Variants in DAOA observed in about 807,000 individuals in gnomAD.
The protein encoded by DAOA is D-amino acid oxidase activator.
A neutral mutation model predicts 16.4 loss-of-function variants in DAOA; 15 were observed. The observed-to-expected ratio is 0.91, with a 90% CI of 0.61 to 1.41. DAOA has a LOEUF of 1.41. Among genes scored for constraint, DAOA ranks in the 40% most tolerant of loss-of-function variants. DAOA has a pLI of 0.00. For synonymous variants in DAOA, 75 were observed against 59.1 expected, an observed-to-expected ratio of 1.27 and a Z score of -1.23; for missense variants, 230 against 176.8, an observed-to-expected ratio of 1.30 and a Z score of -1.71.
intron 4 of DAOA, among the ~76,000 whole-genome samples, chr13:105,482,224 C>G (rs1300248566): frequency 6.6e-6 from 1 of 152,164 alleles, no homozygotes; most frequent in East Asian, 1.9e-4. Context: ...ACAGCCAAAC[C>G]ATATTACTTG....
intron 4 of DAOA, among the ~76,000 whole-genome samples, chr13:105,479,870 A>T (rs9558568): frequency 2.6e-5 from 4 of 152,042 alleles, no homozygotes; most frequent in Non-Finnish European, 4.4e-5. Context: ...AAGAAGGGGC[A>T]TAGGACAAAT....
chr13:105,488,178 G>T (rs923770747), intron 4 of DAOA, among the ~76,000 whole-genome samples: 4 of 152,118 alleles, frequency 2.6e-5, no homozygotes, highest in African/African-American at 7.2e-5. Context: ...TTCTTCATTT[G>T]TCTGTCCTCC....
chr13:105,466,565 C>A, intron 2 of DAOA: 1 of 629,130 alleles, frequency 1.6e-6, no homozygotes, highest in Non-Finnish European at 2.6e-6. Context: ...TAGGCCCTCA[C>A]CTATCCCTGG....
chr13:105,480,527 CATAGATAGATAGATAGATAGATAGATAG>C (rs59797400), intron 4 of DAOA, among the ~76,000 whole-genome samples: 1 of 146,640 alleles, frequency 6.8e-6, no homozygotes, highest in Non-Finnish European at 1.5e-5. Flanking sequence ...TGGATAGATA[CATAGATAGATAGATAGATAGATAGATAG>C]ATAGATAGAT....
At chr13:105,468,228 T>C (rs1050031527) in intron 3 of DAOA, among the ~76,000 whole-genome samples, 7 of 152,220 alleles carry the variant, frequency 4.6e-5, no homozygotes, top group Admixed American at 1.3e-4. Context: ...TAACATTAAT[T>C]ACATCTATGA....
rs141820216 is a variant in DAOA, at chr13:105,468,757, T to C, written c.133+1616T>C. Among the ~76,000 whole-genome samples, 609 of 152,334 alleles carry C rather than the reference T, an allele frequency of 4.0e-3. 6 individuals carry two copies. Among genetic ancestry groups the C allele is most frequent in the African/African-American group, 0.013 (541 of 41,570 alleles). ...GAATGTTGGAAGGAAAACAAGCTTATTGTCTTCTAATGATGGCCATGCCTT... is the reference window on the plus strand; with the variant it reads ...GAATGTTGGAAGGAAAACAAGCTTACTGTCTTCTAATGATGGCCATGCCTT... On this transcript the variant is annotated intron_variant, in intron 3 of 5. Transcript: ENST00000375936.
intron 2 of DAOA, among the ~76,000 whole-genome samples, chr13:105,466,764 A>T (rs1003876882): frequency 4.6e-5 from 7 of 152,152 alleles, no homozygotes; most frequent in Non-Finnish European, 1.0e-4. Context: ...GCTAGTTTGG[A>T]GATTTTTAAA....
chr13:105,489,501 T>TC (rs922917957), intron 4 of DAOA, among the ~76,000 whole-genome samples: 1 of 152,220 alleles, frequency 6.6e-6, no homozygotes, highest in African/African-American at 2.4e-5. Flanking sequence ...AAATTATTTT[T>TC]CCCCTCAAAG....
chr13:105,472,008 T>C (rs1876986387), intron 3 of DAOA, among the ~76,000 whole-genome samples: 1 of 152,098 alleles, frequency 6.6e-6, no homozygotes. Context: ...ATCTAAGAAC[T>C]CATAAAATAC....
chr13:105,479,507 G>A (rs549889825), intron 4 of DAOA, among the ~76,000 whole-genome samples: 3 of 152,170 alleles, frequency 2.0e-5, no homozygotes, highest in Non-Finnish European at 4.4e-5. Flanking sequence ...CAGAGAATCT[G>A]TGCCAGGCTT....
At chr13:105,486,956 C>T (rs1414780772) in intron 4 of DAOA, among the ~76,000 whole-genome samples, 1 of 152,092 alleles carries the variant, frequency 6.6e-6, no homozygotes, top group Admixed American at 6.6e-5. Flanking sequence ...TCTATTTCTT[C>T]ATTTTCTCCC....
chr13:105,468,430 G>A (rs1453243495), intron 3 of DAOA, among the ~76,000 whole-genome samples: 2 of 152,178 alleles, frequency 1.3e-5, no homozygotes, highest in African/African-American at 4.8e-5. Flanking sequence ...TGAGTGCCAA[G>A]TTTAGATGCT....
At chr13:105,481,410 C>T (rs12876563) in intron 4 of DAOA, among the ~76,000 whole-genome samples, 22,429 of 152,078 alleles carry the variant, frequency 0.15, 1,741 homozygotes, top group Non-Finnish European at 0.17. Context: ...CCCTATAACT[C>T]CAGGGACTCT....
intron 2 of DAOA, 36 bp downstream of exon 2, chr13:105,466,368 T>G (rs1258644037): frequency 6.2e-7 from 1 of 1,613,724 alleles, no homozygotes; most frequent in Non-Finnish European, 8.5e-7. Flanking sequence ...CATGGCGGCC[T>G]CAGTGCAATG....
intron 4 of DAOA, among the ~76,000 whole-genome samples, chr13:105,483,441 C>T (rs997207451): frequency 2.0e-5 from 3 of 152,146 alleles, no homozygotes; most frequent in Admixed American, 2.0e-4. Context: ...TATTGTTTTT[C>T]AAAGTAATTT....
At chr13:105,469,366 T>C (rs1566372872) in intron 3 of DAOA, among the ~76,000 whole-genome samples, 1 of 152,236 alleles carries the variant, frequency 6.6e-6, no homozygotes, top group South Asian at 2.1e-4. Context: ...TGGGCTTTAT[T>C]TTCTAATAAT....
At chr13:105,469,382 T>C (rs1330342491) in intron 3 of DAOA, among the ~76,000 whole-genome samples, 1 of 152,216 alleles carries the variant, frequency 6.6e-6, no homozygotes, top group African/African-American at 2.4e-5. Context: ...ATAATGACAA[T>C]GAGTGTAAAA....
intron 4 of DAOA, among the ~76,000 whole-genome samples, chr13:105,473,154 A>AGT (rs1365111312): frequency 6.1e-5 from 6 of 97,812 alleles, no homozygotes; most frequent in Admixed American, 3.5e-4. Flanking sequence ...TGCCTACGTG[A>AGT]GAGTGTGTGT....
Position 105,488,365 on chromosome 13 carries a change from G to A in DAOA, c.282-1536G>A, listed in dbSNP as rs781084768. 1.6e-4 allele frequency among the ~76,000 whole-genome samples: 24 copies of A among 152,050 alleles called. No homozygotes were observed. The East Asian group carries it at 1.7e-3, about 11-fold the overall frequency. On this transcript the variant is annotated intron_variant, in intron 4 of 5. Transcript: ENST00000375936. ...GAATGAAGCAAATCAAATTATTAACGTGATTATAATCTTTTTCATCCCGTT... is the reference window on the plus strand; with the variant it reads ...GAATGAAGCAAATCAAATTATTAACATGATTATAATCTTTTTCATCCCGTT...
Sources: gnomAD v4.1 joint callset for allele counts (sites outside exome capture counted in the v4.1 genomes callset) on GRCh38, gnomAD v4.1.1 for gene constraint, MANE v1.5 for transcripts, NCBI Gene and HGNC (gene_info 2026-07-23, HGNC 2026-07-21) for gene names.